UVSSA: variants seen among roughly 807,000 people sequenced by gnomAD.
UVSSA encodes the protein UV-stimulated scaffold protein A.
UVSSA carries 72 observed loss-of-function variants against 73.9 expected under a neutral mutation model. The observed-to-expected ratio is 0.97, with a 90% CI of 0.81 to 1.19. The LOEUF is 1.19. UVSSA is among the 50% of genes most tolerant of loss of function. The probability of loss-of-function intolerance (pLI) is 0.00; values close to 1 mark genes in which losing one functional copy is unlikely to be tolerated. For missense variants in UVSSA, 1,150 were observed against 965.0 expected (o/e 1.19, Z -2.54); for synonymous variants, 454 against 391.3 (o/e 1.16, Z -1.89).
chr4:1,383,794 C>T lies in UVSSA; in HGVS notation c.1890C>T (p.Asp630=), dbSNP rs1284115228. ...PEWQDPELMR[D]VEAATGQDLG... ...GGCAGGACCCTGAGTTGATGAGAGACGTGGAAGCAGCCACAGGGCAGGATC... is the reference window on the plus strand; with the variant it reads ...GGCAGGACCCTGAGTTGATGAGAGATGTGGAAGCAGCCACAGGGCAGGATC... The change falls in exon 13 of 14, where the codon GAC becomes GAT. Residue 630 remains aspartate (D), a synonymous_variant. Coordinates refer to ENST00000389851, the MANE Select transcript of UVSSA (RefSeq NM_020894.4). 1.1e-5 allele frequency: 17 copies of T among 1,613,356 alleles called. No homozygotes were observed. Among genetic ancestry groups the T allele is most frequent in the Admixed American group, 3.3e-5 (2 of 59,996 alleles).
intron 7 of UVSSA, among the ~76,000 whole-genome samples, chr4:1,361,543 A>G (rs1421520745): frequency 2.0e-5 from 3 of 152,262 alleles, no homozygotes; most frequent in African/African-American, 7.2e-5. Context: ...CGGCCCCGAC[A>G]GTGCTGCCCG....
chr4:1,368,958 G>A (rs944197979), intron 8 of UVSSA, among the ~76,000 whole-genome samples: 1 of 152,150 alleles, frequency 6.6e-6, no homozygotes, highest in Non-Finnish European at 1.5e-5. Context: ...CAAGGCCCAC[G>A]CCTGCCCCGG....
In UVSSA at chr4:1,372,773, GGCACTCACCTCCCGCGTCCCT is replaced by G. The variant is rs1172991763; in HGVS notation, c.1289-2572_1289-2552del. 4.0e-3 allele frequency among the ~76,000 whole-genome samples: 81 copies of G among 20,368 alleles called. 2 individuals carry two copies. The highest frequency in any genetic ancestry group is 0.01 in the African/African-American group (39 of 3,768). 13.4% of individuals were successfully genotyped at this position (20,368 alleles called of 152,430 possible). A position where few individuals can be genotyped will look rare whatever the true frequency, so the allele number is the denominator to read the frequency against. ...CCTGCACTCACCTCCCGCGTCTCAG[GGCACTCACCTCCCGCGTCCCT>G]GCACTCACCTCCCGCGTCTCAGGGC... On this transcript the variant is annotated intron_variant, in intron 8 of 13. Transcript: ENST00000389851.
At chr4:1,361,053 A>G (rs1226723791) in intron 7 of UVSSA, among the ~76,000 whole-genome samples, 4 of 151,984 alleles carry the variant, frequency 2.6e-5, no homozygotes, top group Non-Finnish European at 5.9e-5. Flanking sequence ...CAGACCCAGG[A>G]CCCCCGGCCC....
chr4:1,378,745 T>TTGGG (rs1719077088), intron 10 of UVSSA, among the ~76,000 whole-genome samples: 1 of 152,176 alleles, frequency 6.6e-6, no homozygotes, highest in Non-Finnish European at 1.5e-5. Context: ...CCACGGGGCC[T>TTGGG]TGGGTGCAGC....
At chr4:1,359,784 G>C (rs920959005) in intron 7 of UVSSA, among the ~76,000 whole-genome samples, 1 of 152,142 alleles carries the variant, frequency 6.6e-6, no homozygotes, top group African/African-American at 2.4e-5. Flanking sequence ...CACCACCAAA[G>C]CTCTGATCTT....
chr4:1,361,443 C>T (rs1341976395), intron 7 of UVSSA, among the ~76,000 whole-genome samples: 3 of 152,274 alleles, frequency 2.0e-5, no homozygotes, highest in Non-Finnish European at 4.4e-5. Context: ...TTCTAGAAAG[C>T]AACGACTTGC....
chr4:1,372,414 CGTT>C (rs1449307889), intron 8 of UVSSA, among the ~76,000 whole-genome samples: 1 of 152,164 alleles, frequency 6.6e-6, no homozygotes, highest in Non-Finnish European at 1.5e-5. Flanking sequence ...TTATGTGCCC[CGTT>C]GTTGTGCTGG....
At chr4:1,394,814 C>T (rs76374232) in exon 14 of UVSSA, 2 of 1,489,780 alleles carry the variant, frequency 1.3e-6, no homozygotes, top group Non-Finnish European at 1.8e-6. Flanking sequence ...CACACGTGCC[C>T]ATGTGGAGTG....
chr4:1,357,334 C>T (rs1441294208), intron 7 of UVSSA, among the ~76,000 whole-genome samples: 2 of 152,272 alleles, frequency 1.3e-5, no homozygotes, highest in Non-Finnish European at 2.9e-5. Flanking sequence ...TTAGTACCAG[C>T]AGCAGTGCTG....
Position 1,395,241 on chromosome 4 carries a change from G to A in UVSSA, c.*9280G>A, listed in dbSNP as rs566932644. ...ATGCGGAGTGCCCGCCTGCTCACACGTGCCCATGTGGAGTGCCCGCCTGCT... is the reference window on the plus strand; with the variant it reads ...ATGCGGAGTGCCCGCCTGCTCACACATGCCCATGTGGAGTGCCCGCCTGCT... On this transcript the variant is annotated 3_prime_UTR_variant, in exon 14 of 14. Coordinates refer to the UVSSA transcript ENST00000511216. 29 of 1,472,944 alleles carry A rather than the reference G, an allele frequency of 2.0e-5. 1 individual carries two copies. The East Asian group carries it at 4.6e-4, about 24-fold the overall frequency. 91.2% of individuals were successfully genotyped at this position (1,472,944 alleles called of 1,614,324 possible).
intron 12 of UVSSA, among the ~76,000 whole-genome samples, chr4:1,382,448 T>C (rs1386262610): frequency 2.6e-5 from 4 of 152,220 alleles, no homozygotes; most frequent in Admixed American, 2.6e-4. Context: ...AGTGACAATG[T>C]GCGTGCTGCT....
At chr4:1,369,003 A>T (rs1360088618) in intron 8 of UVSSA, among the ~76,000 whole-genome samples, 5 of 152,158 alleles carry the variant, frequency 3.3e-5, no homozygotes, top group African/African-American at 4.8e-5. Context: ...GCCCCGGTGG[A>T]GGGGAGGGTG....
intron 5 of UVSSA, chr4:1,354,422 TG>T (rs571307600): frequency 5.4e-5 from 20 of 372,876 alleles, no homozygotes; most frequent in South Asian, 5.1e-4. Context: ...GCCCGGCGTG[TG>T]GGGGCGGTGA....
Position 1,376,120 on chromosome 4 carries a change from A to G in UVSSA, c.1520A>G (p.Asp507Gly). ...ARAPVVPYGVDLHYWGQELPT... is the reference protein window; with the variant it reads ...ARAPVVPYGVGLHYWGQELPT... ...GCGCCTGTGGTGCCCTACGGCGTGG[A>G]CCTGCACTACTGGGGCCAGGAGCTC... The change falls in exon 10 of 14, where the codon GAC (aspartate) becomes GGC (glycine). Residue 507 changes from aspartate (D) to glycine (G), a missense_variant. Coordinates refer to ENST00000389851, the MANE Select transcript of UVSSA (RefSeq NM_020894.4). 6.2e-7 allele frequency: 1 copy of G among 1,609,648 alleles called. No homozygotes were observed.
In UVSSA at chr4:1,386,171, A is replaced by G; in HGVS notation, c.*210A>G. Reference sequence around the variant, plus strand: ...CTGGTGATGGGTCTGGCCTCGCAGAAGAGGCCCTCGGGCCTGGAGATGTGA... The same window carrying G: ...CTGGTGATGGGTCTGGCCTCGCAGAGGAGGCCCTCGGGCCTGGAGATGTGA... On this transcript the variant is annotated 3_prime_UTR_variant, in exon 14 of 14. Coordinates refer to ENST00000389851, the MANE Select transcript of UVSSA (RefSeq NM_020894.4). 1.8e-6 allele frequency: 1 copy of G among 567,820 alleles called. No homozygotes were observed. The highest frequency in any genetic ancestry group is 3.1e-6 in the Non-Finnish European group (1 of 319,272). The allele number at this position is 567,820 out of a possible 1,614,324, so 35.2% of individuals were successfully genotyped here.
intron 10 of UVSSA, 139 bp from the exon 11 acceptor site, chr4:1,379,908 G>A (rs1719236165): frequency 1.9e-6 from 1 of 526,368 alleles, no homozygotes; most frequent in African/African-American, 5.5e-5. Context: ...GAGTGACCGT[G>A]TTCTCCCTGG....
At chr4:1,372,875 G>A (rs1438878686) in intron 8 of UVSSA, among the ~76,000 whole-genome samples, 5 of 115,554 alleles carry the variant, frequency 4.3e-5, no homozygotes, top group Non-Finnish European at 8.1e-5. Context: ...CTCACCTCCC[G>A]CGTCTCAGGG....
At chr4:1,348,436 C>G (rs1714079151) in intron 2 of UVSSA, among the ~76,000 whole-genome samples, 6 of 152,246 alleles carry the variant, frequency 3.9e-5, no homozygotes. Context: ...TGGTCTGGAG[C>G]ACATCCTGTA....
Sources: gnomAD v4.1 joint callset for allele counts (sites outside exome capture counted in the v4.1 genomes callset) on GRCh38, gnomAD v4.1.1 for gene constraint, MANE v1.5 for transcripts, NCBI Gene and HGNC (gene_info 2026-07-23, HGNC 2026-07-21) for gene names.